CFAP43: variants seen among roughly 807,000 people sequenced by gnomAD.
CFAP43 encodes the protein cilia and flagella associated protein 43.
A neutral mutation model predicts 218.9 loss-of-function variants in CFAP43; 155 were observed. The observed-to-expected ratio is 0.71, with a 90% confidence interval of 0.62 to 0.81. The LOEUF is 0.81. Among genes scored for constraint, CFAP43 ranks in the 30% least tolerant of loss-of-function variants. CFAP43 has a pLI of 0.00. For synonymous variants in CFAP43, 645 were observed against 681.3 expected, an observed-to-expected ratio of 0.95 and a Z score of 0.83; for missense variants, 1,778 against 1,954.3, an observed-to-expected ratio of 0.91 and a Z score of 1.70.
rs1280673573 is a variant in CFAP43, at chr10:104,164,113, A to T, written c.3227T>A (p.Leu1076His). ...FEDCEKPERT[L>H]VVQDEEITAH... ...CAGTACCTCCTCATCTTGCACAACA[A>T]GCGTTCTCTCTGGCTTCTCACAGTC... Residue 1076 changes from leucine to histidine, a missense_variant, in exon 24 of 38, where the codon CTT becomes CAT. Coordinates refer to ENST00000357060, the MANE Select transcript of CFAP43 (RefSeq NM_025145.7). 6.2e-7 allele frequency: 1 copy of T among 1,614,202 alleles called. No homozygotes were observed. The highest frequency in any genetic ancestry group is 2.2e-5 in the East Asian group (1 of 44,882).
At chr10:104,141,106 G>A (rs1342213516) in intron 33 of CFAP43, 105 bp from the exon 34 acceptor site, 3 of 1,146,984 alleles carry the variant, frequency 2.6e-6, no homozygotes, top group East Asian at 2.6e-5. Flanking sequence ...ACATGCTGGA[G>A]ATTAGTGTGG....
At position 104,187,899 on chromosome 10, in the gene CFAP43, C is replaced by T. The variant is rs74533873; in HGVS notation, c.1687+371G>A. On this transcript the variant is annotated intron_variant, in intron 13 of 37. Coordinates refer to ENST00000357060, the MANE Select transcript of CFAP43 (RefSeq NM_025145.7). ...AGGAAAGAGTATCTATTTTCTCATACCTTTTTATCCAGAAAACTGTCTTTA... is the reference window on the plus strand; with the variant it reads ...AGGAAAGAGTATCTATTTTCTCATATCTTTTTATCCAGAAAACTGTCTTTA... Among the ~76,000 whole-genome samples, 1,136 of 152,294 alleles carry T rather than the reference C, an allele frequency of 7.5e-3. 5 individuals are homozygous for T. The highest frequency in any genetic ancestry group is 0.011 in the Non-Finnish European group (781 of 68,010).
chr10:104,135,444 A>G (rs1360308158), intron 34 of CFAP43, among the ~76,000 whole-genome samples: 7 of 152,214 alleles, frequency 4.6e-5, no homozygotes. Context: ...AACAATTTCT[A>G]TTCACAGATT....
chr10:104,168,241 A>C (rs2089262593), intron 21 of CFAP43, among the ~76,000 whole-genome samples: 1 of 152,194 alleles, frequency 6.6e-6, no homozygotes, highest in Non-Finnish European at 1.5e-5. Context: ...CATTGTCCAC[A>C]TTGGGAGCAT....
At chr10:104,179,194 A>AG in intron 18 of CFAP43, 88 bp from the exon 19 acceptor site, 1 of 1,147,270 alleles carries the variant, frequency 8.7e-7, no homozygotes, top group Non-Finnish European at 1.3e-6. Flanking sequence ...ATTCTCTAGA[A>AG]ACAGAAACTA....
At chr10:104,140,108 ATAAAGCT>A (rs2134745392) in intron 34 of CFAP43, among the ~76,000 whole-genome samples, 1 of 149,904 alleles carries the variant, frequency 6.7e-6, no homozygotes, top group South Asian at 2.1e-4. Context: ...TACAGATAAA[ATAAAGCT>A]TATAGGGAAT....
chr10:104,207,533 C>G, intron 6 of CFAP43, 132 bp downstream of exon 6: 1 of 812,146 alleles, frequency 1.2e-6, no homozygotes, highest in South Asian at 1.9e-5. Flanking sequence ...AGAATGCCAA[C>G]AGCACAGTAA....
chr10:104,175,977 T>A (rs2089616487), intron 19 of CFAP43, among the ~76,000 whole-genome samples: 1 of 152,158 alleles, frequency 6.6e-6, no homozygotes, highest in Admixed American at 6.5e-5. Context: ...ATATTCTCAA[T>A]CAAAATCAAA....
At chr10:104,159,865 C>A (rs2088780083) in intron 27 of CFAP43, among the ~76,000 whole-genome samples, 1 of 152,064 alleles carries the variant, frequency 6.6e-6, no homozygotes. Context: ...CACAGAGAAA[C>A]AATGAAATCA....
chr10:104,167,684 A>C lies in CFAP43; in HGVS notation c.2745T>G (p.Val915=). The C allele has an allele frequency of 6.2e-7, 1 of 1,612,638 alleles. No homozygotes were observed. Among genetic ancestry groups the C allele is most frequent in the Non-Finnish European group, 8.5e-7 (1 of 1,179,634 alleles). ...CTCTTTCCAATTCTTTCAGCTCTTC[A>C]ACCGTGCGCGCTTTCATCGGGAAGT... ...VENFPMKART[V]EELKELERVL... The change falls in exon 22 of 38, where the codon GTT becomes GTG. Residue 915 remains valine, a synonymous_variant. Transcript: ENST00000357060.
chr10:104,161,003 A>G (rs2088839442), intron 27 of CFAP43, 34 bp downstream of exon 27: 1 of 1,565,850 alleles, frequency 6.4e-7, no homozygotes, highest in East Asian at 2.3e-5. Context: ...CACTCTGGAT[A>G]TGGTAGGTTA....
chr10:104,214,782 CTCCATA>C (rs1387730945), intron 3 of CFAP43, among the ~76,000 whole-genome samples: 3 of 152,186 alleles, frequency 2.0e-5, no homozygotes, highest in Admixed American at 6.5e-5. Context: ...CATGTGAGTA[CTCCATA>C]TGGATCTGGG....
At chr10:104,191,800 A>C (rs1416115133) in intron 12 of CFAP43, among the ~76,000 whole-genome samples, 1 of 145,436 alleles carries the variant, frequency 6.9e-6, no homozygotes, top group South Asian at 2.2e-4. Context: ...GGGGGGGGGG[A>C]AACACATATA....
chr10:104,188,665 G>T (rs2090111217), intron 12 of CFAP43, among the ~76,000 whole-genome samples: 1 of 152,120 alleles, frequency 6.6e-6, no homozygotes, highest in South Asian at 2.1e-4. Flanking sequence ...TTCCTTCCCA[G>T]CCAGGGTGGC....
At chr10:104,160,580 C>A (rs543180208) in intron 27 of CFAP43, among the ~76,000 whole-genome samples, 1 of 152,324 alleles carries the variant, frequency 6.6e-6, no homozygotes, top group East Asian at 1.9e-4. Context: ...ACTGTAAAAA[C>A]CTTGAATTTG....
At chr10:104,143,833 C>T (rs771407589) in intron 31 of CFAP43, among the ~76,000 whole-genome samples, 194 bp from the exon 32 acceptor site, 12 of 152,196 alleles carry the variant, frequency 7.9e-5, no homozygotes, top group African/African-American at 1.9e-4. Context: ...GGTTCTCAGA[C>T]GTGACCTTGG....
chr10:104,216,547 C>T (rs557735429), intron 3 of CFAP43, among the ~76,000 whole-genome samples: 123 of 152,240 alleles, frequency 8.1e-4, no homozygotes, highest in African/African-American at 2.6e-3. Flanking sequence ...GGGACAATCA[C>T]GACAAACCTG....
chr10:104,196,142 C>A (rs1176949470), intron 10 of CFAP43, among the ~76,000 whole-genome samples: 1 of 152,086 alleles, frequency 6.6e-6, no homozygotes, highest in Non-Finnish European at 1.5e-5. Flanking sequence ...GGGTGTACCT[C>A]AATGAAGCCT....
At chr10:104,218,906 G>A (rs377098696) in intron 3 of CFAP43, 21 of 481,208 alleles carry the variant, frequency 4.4e-5, no homozygotes, top group South Asian at 1.5e-4. Flanking sequence ...GAGACTGGAC[G>A]CTGACCCCGA....
Sources: allele counts gnomAD v4.1 joint callset (sites outside exome capture counted in the v4.1 genomes callset), GRCh38; gene constraint gnomAD v4.1.1; transcripts MANE v1.5; gene names NCBI Gene and HGNC (gene_info 2026-07-23, HGNC 2026-07-21).